KCNMA1: variants seen among roughly 807,000 people sequenced by gnomAD.
KCNMA1 encodes the protein potassium calcium-activated channel subfamily M alpha 1, also known as Calcium-activated potassium channel subunit alpha-1.
A neutral mutation model predicts 140.0 loss-of-function variants in KCNMA1; 29 were observed. The ratio of observed to expected loss-of-function variants is 0.21; its 90% CI spans 0.15 to 0.28. KCNMA1 has a LOEUF of 0.28. KCNMA1 is among the 10% of genes least tolerant of loss of function. The pLI, the probability that KCNMA1 is intolerant of heterozygous loss-of-function variation, is 1.00. For synonymous variants in KCNMA1, 612 were observed against 611.9 expected, an observed-to-expected ratio of 1.00 and a Z score of 0.00; for missense variants, 880 against 1,602.2, an observed-to-expected ratio of 0.55 and a Z score of 7.70.
At chr10:77,529,408 CT>C (rs1454612013) in intron 1 of KCNMA1, among the ~76,000 whole-genome samples, 2 of 152,012 alleles carry the variant, frequency 1.3e-5, no homozygotes, top group Non-Finnish European at 2.9e-5. Context: ...CTGTAGAAGG[CT>C]TTCCCTTGTT....
At chr10:77,169,249 T>A (rs1484432446) in intron 5 of KCNMA1, among the ~76,000 whole-genome samples, 2 of 151,978 alleles carry the variant, frequency 1.3e-5, no homozygotes, top group Non-Finnish European at 2.9e-5. Flanking sequence ...GTAGGAGTGG[T>A]TGGTAAGTAG....
intron 1 of KCNMA1, among the ~76,000 whole-genome samples, chr10:77,509,073 G>A (rs1400866781): frequency 1.3e-5 from 2 of 150,706 alleles, no homozygotes; most frequent in Non-Finnish European, 2.9e-5. Context: ...CTTGGTTACT[G>A]TTTTTTGTTG....
chr10:76,920,368 A>G (rs1336098594), intron 23 of KCNMA1, among the ~76,000 whole-genome samples: 5 of 152,050 alleles, frequency 3.3e-5, no homozygotes. Context: ...GGTTCTCAGA[A>G]CCATCCTATG....
intron 1 of KCNMA1, among the ~76,000 whole-genome samples, chr10:77,473,830 C>A (rs903037277): frequency 2.0e-5 from 3 of 152,192 alleles, no homozygotes; most frequent in African/African-American, 7.2e-5. Context: ...CAAATTAGAT[C>A]CTTAATAACG....
At chr10:77,506,596 A>AGAGAGAGAGAGAGAGTGTGTGTGT in intron 1 of KCNMA1, among the ~76,000 whole-genome samples, 12 of 83,568 alleles carry the variant, frequency 1.4e-4, no homozygotes, top group African/African-American at 7.5e-4. Context: ...AGAGAGAGAG[A>AGAGAGAGAGAGAGAGTGTGTGTGT]GTGTGTGTGT....
intron 2 of KCNMA1, among the ~76,000 whole-genome samples, chr10:77,259,946 A>C (rs978153828): frequency 2.0e-5 from 3 of 152,230 alleles, no homozygotes; most frequent in African/African-American, 7.2e-5. Context: ...TGTTAAATAA[A>C]TAAATATGTG....
chr10:76,871,913 T>C (rs779603133), exon 28 of KCNMA1: 2 of 152,242 alleles, frequency 1.3e-5, no homozygotes, highest in Non-Finnish European at 2.9e-5. Context: ...TATTATAAGC[T>C]GATTGATGGC....
At chr10:77,012,647 T>C in intron 17 of KCNMA1, 1 of 1,031,964 alleles carries the variant, frequency 9.7e-7, no homozygotes, top group African/African-American at 1.6e-5. Context: ...ACTCCAAAGC[T>C]GACTGGACCA....
At chr10:77,033,725 G>A (rs945960489) in intron 15 of KCNMA1, among the ~76,000 whole-genome samples, 1 of 152,062 alleles carries the variant, frequency 6.6e-6, no homozygotes, top group African/African-American at 2.4e-5. Flanking sequence ...GAGAATTCTG[G>A]ACCCACCACT....
chr10:76,893,131 T>C (rs1465353144), intron 25 of KCNMA1, among the ~76,000 whole-genome samples: 1 of 152,168 alleles, frequency 6.6e-6, no homozygotes, highest in Admixed American at 6.5e-5. Flanking sequence ...TCTCAGAAGC[T>C]GTGTGACCTT....
intron 3 of KCNMA1, among the ~76,000 whole-genome samples, chr10:77,240,556 G>A (rs2154228722): frequency 6.6e-6 from 1 of 152,296 alleles, no homozygotes; most frequent in Middle Eastern, 3.4e-3. Context: ...AAAACAGGAG[G>A]CCCAAATCTG....
At chr10:77,555,087 G>A (rs892102867) in intron 1 of KCNMA1, among the ~76,000 whole-genome samples, 1 of 133,124 alleles carries the variant, frequency 7.5e-6, no homozygotes, top group South Asian at 2.3e-4. Context: ...ACAGGAAAAC[G>A]CATCAGATGA....
At chr10:77,497,279 G>T (rs967825724) in intron 1 of KCNMA1, among the ~76,000 whole-genome samples, 2 of 152,220 alleles carry the variant, frequency 1.3e-5, no homozygotes, top group Non-Finnish European at 2.9e-5. Context: ...AAGGCCATTT[G>T]CATAACATAT....
chr10:77,098,637 G>A (rs1395860464), intron 9 of KCNMA1, among the ~76,000 whole-genome samples: 2 of 151,634 alleles, frequency 1.3e-5, no homozygotes, highest in African/African-American at 4.8e-5. Context: ...TCTGTTGCCT[G>A]CAACCAGAGA....
chr10:77,264,931 T>C (rs542279578), intron 2 of KCNMA1, among the ~76,000 whole-genome samples: 18 of 152,242 alleles, frequency 1.2e-4, no homozygotes, highest in Non-Finnish European at 2.1e-4. Context: ...AGGTTCAGAG[T>C]TGACCTGGCA....
chr10:77,539,861 C>G (rs1477872665), intron 1 of KCNMA1, among the ~76,000 whole-genome samples: 1 of 152,176 alleles, frequency 6.6e-6, no homozygotes, highest in Non-Finnish European at 1.5e-5. Flanking sequence ...TTGCAGCTAC[C>G]TGATGGTACA....
chr10:77,218,112 C>T (rs2048387169), intron 3 of KCNMA1, among the ~76,000 whole-genome samples: 1 of 152,046 alleles, frequency 6.6e-6, no homozygotes, highest in Middle Eastern at 3.2e-3. Flanking sequence ...AGTATCTCCC[C>T]TGGGTAACCA....
chr10:77,485,613 G>T (rs143775042), intron 1 of KCNMA1, among the ~76,000 whole-genome samples: 254 of 152,328 alleles, frequency 1.7e-3, no homozygotes, highest in African/African-American at 5.9e-3. Context: ...TTCTCCAAAA[G>T]AGAATAAGAA....
intron 2 of KCNMA1, among the ~76,000 whole-genome samples, chr10:77,375,604 G>A (rs560960421): frequency 2.5e-4 from 38 of 152,308 alleles, no homozygotes; most frequent in Non-Finnish European, 5.0e-4. Context: ...AACTTGATCT[G>A]CCATGTTTCA....
Sources: allele counts gnomAD v4.1 joint callset (sites outside exome capture counted in the v4.1 genomes callset), GRCh38; gene constraint gnomAD v4.1.1; transcripts MANE v1.5; gene names NCBI Gene and HGNC (gene_info 2026-07-23, HGNC 2026-07-21).